The following SPATA17 variants were observed in gnomAD, a reference collection of about 807,000 sequenced individuals.
SPATA17 encodes spermatogenesis associated 17.
In SPATA17, 53 loss-of-function variants were observed where a neutral mutation model predicts 62.2. The observed-to-expected ratio is 0.85, with a 90% CI of 0.68 to 1.07. The LOEUF (loss-of-function observed/expected upper bound fraction) is 1.07. SPATA17 is among the 50% of genes least tolerant of loss of function. The pLI, the probability that SPATA17 is intolerant of heterozygous loss-of-function variation, is 0.00. For synonymous variants in SPATA17, 146 were observed against 146.8 expected (o/e 0.99, Z 0.04); for missense variants, 466 against 425.5 (o/e 1.10, Z -0.84).
chr1:217,796,261 T>A (rs926354764), intron 8 of SPATA17, among the ~76,000 whole-genome samples: 2 of 152,146 alleles, frequency 1.3e-5, no homozygotes, highest in Non-Finnish European at 2.9e-5. Context: ...CAGAGATTTT[T>A]AAAAATATTT....
intron 8 of SPATA17, among the ~76,000 whole-genome samples, chr1:217,795,248 C>T (rs1200025194): frequency 4.6e-5 from 7 of 151,550 alleles, no homozygotes; most frequent in African/African-American, 9.7e-5. Flanking sequence ...AAATATAATA[C>T]AGTATATAGC....
chr1:217,744,248 G>A lies in SPATA17; in HGVS notation c.519+2150G>A, dbSNP rs1221206852. 8.4e-5 allele frequency among the ~76,000 whole-genome samples: 4 copies of A among 47,850 alleles called. 1 individual carries two copies. The highest frequency in any genetic ancestry group is 3.3e-4 in the East Asian group (1 of 3,022). The allele number at this position is 47,850 out of a possible 152,430, so 31.4% of individuals were successfully genotyped here. ...GAGGCCGAGGCGGGCGGATCACGAG[G>A]TCAAGAGATCGAGACCATCCCGGCT... On this transcript the variant is annotated intron_variant, in intron 6 of 10. Transcript: ENST00000366933.
chr1:217,685,961 C>T (rs1671206922), intron 5 of SPATA17, among the ~76,000 whole-genome samples: 1 of 152,094 alleles, frequency 6.6e-6, no homozygotes, highest in African/African-American at 2.4e-5. Flanking sequence ...TGATGCTAAT[C>T]TCTTACTGTG....
intron 8 of SPATA17, among the ~76,000 whole-genome samples, chr1:217,788,329 T>A (rs1037577254): frequency 1.4e-5 from 2 of 143,182 alleles, no homozygotes; most frequent in Non-Finnish European, 1.5e-5. Flanking sequence ...TGAGAACCAA[T>A]TAGTTTCAAT....
chr1:217,680,538 G>A (rs1444254241), intron 4 of SPATA17, among the ~76,000 whole-genome samples: 1 of 152,026 alleles, frequency 6.6e-6, no homozygotes, highest in East Asian at 1.9e-4. Flanking sequence ...TTAAAGAATT[G>A]ATCTGGCAAA....
intron 9 of SPATA17, among the ~76,000 whole-genome samples, chr1:217,844,633 A>G (rs1358859586): frequency 6.6e-6 from 1 of 152,152 alleles, no homozygotes; most frequent in Admixed American, 6.6e-5. Flanking sequence ...CTTACACTAT[A>G]AAGTATCACA....
intron 8 of SPATA17, among the ~76,000 whole-genome samples, chr1:217,787,763 G>A (rs1673905057): frequency 6.6e-6 from 1 of 152,042 alleles, no homozygotes; most frequent in Non-Finnish European, 1.5e-5. Context: ...ATGTTTTGCA[G>A]AGGTATCTAT....
At chr1:217,794,429 G>T (rs1674085398) in intron 8 of SPATA17, among the ~76,000 whole-genome samples, 1 of 152,120 alleles carries the variant, frequency 6.6e-6, no homozygotes, top group Non-Finnish European at 1.5e-5. Flanking sequence ...AATTTATCTT[G>T]TCAGGGACCT....
intron 9 of SPATA17, among the ~76,000 whole-genome samples, chr1:217,805,304 A>G (rs1674404913): frequency 6.6e-6 from 1 of 152,192 alleles, no homozygotes; most frequent in Non-Finnish European, 1.5e-5. Flanking sequence ...GCATGGTCTC[A>G]TTTATATGTG....
At chr1:217,683,686 C>T (rs1217289029) in intron 5 of SPATA17, among the ~76,000 whole-genome samples, 2 of 152,074 alleles carry the variant, frequency 1.3e-5, no homozygotes, top group Admixed American at 6.6e-5. Context: ...GTGATCTGCC[C>T]GCCTCGGCCT....
chr1:217,846,195 G>A (rs746855674), intron 9 of SPATA17, among the ~76,000 whole-genome samples: 1 of 151,916 alleles, frequency 6.6e-6, no homozygotes, highest in African/African-American at 2.4e-5. Context: ...ATCATTAATG[G>A]TAGTTAACAC....
chr1:217,736,405 TAAAC>T (rs1571768452), intron 5 of SPATA17, among the ~76,000 whole-genome samples: 1 of 152,298 alleles, frequency 6.6e-6, no homozygotes, highest in African/African-American at 2.4e-5. Flanking sequence ...AGACATATAT[TAAAC>T]AAATATATCC....
rs150283016 is a variant in SPATA17, at chr1:217,697,969, C to A, written c.395+14608C>A. Among the ~76,000 whole-genome samples the A allele has an allele frequency of 1.7e-4, 26 of 152,196 alleles. No homozygotes were observed. In the East Asian group the frequency reaches 4.8e-3, roughly 28 times the overall value. On this transcript the variant is annotated intron_variant, in intron 5 of 10. Transcript: ENST00000366933. ...TATATGCATTTTCTTAGTGACTCTT[C>A]ACCATTTTTTTTTCTTACTTTCAAA...
At chr1:217,646,802 A>G (rs1175915412) in intron 1 of SPATA17, among the ~76,000 whole-genome samples, 5 of 152,126 alleles carry the variant, frequency 3.3e-5, no homozygotes, top group Non-Finnish European at 5.9e-5. Context: ...GCTAAGGCAG[A>G]AGAATCACTT....
At chr1:217,706,860 C>T (rs1163008699) in intron 5 of SPATA17, among the ~76,000 whole-genome samples, 2 of 143,364 alleles carry the variant, frequency 1.4e-5, no homozygotes, top group East Asian at 2.0e-4. Context: ...TTCTTCCTTT[C>T]TTTCTTTCTT....
At chr1:217,662,063 A>AT (rs1300830613) in intron 3 of SPATA17, among the ~76,000 whole-genome samples, 13 of 152,170 alleles carry the variant, frequency 8.5e-5, no homozygotes, top group Non-Finnish European at 1.8e-4. Context: ...AGCACTAACA[A>AT]TTTGAGAGTT....
At chr1:217,859,219 T>C (rs944199848) in intron 9 of SPATA17, among the ~76,000 whole-genome samples, 14 of 146,434 alleles carry the variant, frequency 9.6e-5, no homozygotes, top group Non-Finnish European at 2.0e-4. Flanking sequence ...ATATACATAA[T>C]ATATAATATA....
intron 1 of SPATA17, among the ~76,000 whole-genome samples, chr1:217,643,682 G>A (rs976504584): frequency 2.6e-5 from 4 of 151,540 alleles, no homozygotes; most frequent in Non-Finnish European, 4.4e-5. Flanking sequence ...GAGAAGTGAG[G>A]AGGAAGAGGA....
intron 6 of SPATA17, among the ~76,000 whole-genome samples, chr1:217,761,812 A>G (rs930205328): frequency 1.3e-5 from 2 of 152,204 alleles, no homozygotes; most frequent in Non-Finnish European, 2.9e-5. Context: ...AGTTCTTTAA[A>G]TGGAATCTTT....
Sources: allele counts gnomAD v4.1 joint callset (sites outside exome capture counted in the v4.1 genomes callset), GRCh38; gene constraint gnomAD v4.1.1; transcripts MANE v1.5; gene names NCBI Gene and HGNC (gene_info 2026-07-23, HGNC 2026-07-21).